Variants in STAG2 observed in about 807,000 individuals in gnomAD.
The protein encoded by STAG2 is STAG2 cohesin complex component.
STAG2 carries 14 observed loss-of-function variants against 108.1 expected under a neutral mutation model. The ratio of observed to expected loss-of-function variants is 0.13; its 90% CI spans 0.09 to 0.20. STAG2 has a LOEUF of 0.20. Among genes scored for constraint, STAG2 ranks in the 10% least tolerant of loss-of-function variants. The probability of loss-of-function intolerance (pLI) is 1.00; values close to 1 mark genes in which losing one functional copy is unlikely to be tolerated. For synonymous variants in STAG2, 307 were observed against 302.7 expected, an observed-to-expected ratio of 1.01 and a Z score of -0.15; for missense variants, 440 against 940.9, an observed-to-expected ratio of 0.47 and a Z score of 6.96.
chrX:124,083,168 C>G (rs140759722), intron 28 of STAG2, among the ~76,000 whole-genome samples: 169 of 108,276 alleles, frequency 1.6e-3, no homozygotes, highest in African/African-American at 5.4e-3. Context: ...TATACCAGAC[C>G]ATATTCAGAC....
At chrX:124,068,748 C>G (rs1603105009) in intron 24 of STAG2, 92 bp downstream of exon 24, 1 of 571,748 alleles carries the variant, frequency 1.7e-6, no homozygotes, top group East Asian at 3.9e-5. Flanking sequence ...TAAGATTGAG[C>G]AAAGCAGAAA....
chrX:124,063,358 C>A (rs1348831119), intron 19 of STAG2, among the ~76,000 whole-genome samples, 153 bp downstream of exon 19: 2 of 111,694 alleles, frequency 1.8e-5, no homozygotes, highest in East Asian at 5.6e-4. Context: ...GTTTGACTTA[C>A]AGAATGGCGG....
chrX:124,090,188 G>GAAAAATT (rs2059222727), intron 30 of STAG2, among the ~76,000 whole-genome samples: 3 of 69,589 alleles, frequency 4.3e-5, no homozygotes, highest in Admixed American at 1.6e-4. Context: ...AAAAAAAAAG[G>GAAAAATT]TTTAGTCCTT....
At chrX:123,982,410 C>T (rs1405427478) in intron 1 of STAG2, among the ~76,000 whole-genome samples, 1 of 111,384 alleles carries the variant, frequency 9.0e-6, no homozygotes, top group African/African-American at 3.3e-5. Context: ...GTCACCCAGG[C>T]TGGAATGCAG....
At chrX:123,968,730 C>T (rs1001686771) in intron 1 of STAG2, among the ~76,000 whole-genome samples, 8 of 112,232 alleles carry the variant, frequency 7.1e-5, no homozygotes, top group African/African-American at 2.6e-4. Flanking sequence ...TACATTTTTG[C>T]AAGAATAACT....
intron 1 of STAG2, among the ~76,000 whole-genome samples, chrX:123,989,700 G>A (rs1469852047): frequency 9.4e-6 from 1 of 106,618 alleles, no homozygotes; most frequent in East Asian, 2.9e-4. Flanking sequence ...CGCCTCCCGT[G>A]TTCAAGCAGT....
At chrX:124,009,898 C>G (rs1206601308) in intron 1 of STAG2, among the ~76,000 whole-genome samples, 2 of 111,281 alleles carry the variant, frequency 1.8e-5, no homozygotes, top group Non-Finnish European at 3.8e-5. Flanking sequence ...AGCTTTGGTG[C>G]ATTTTACCTT....
At chrX:124,038,169 G>C (rs1036628739) in intron 6 of STAG2, among the ~76,000 whole-genome samples, 10 of 111,959 alleles carry the variant, frequency 8.9e-5, no homozygotes, top group Non-Finnish European at 1.5e-4. Context: ...TTTGAACTGG[G>C]AAAGATGAAA....
chrX:123,974,871 C>T (rs1490467903), intron 1 of STAG2, among the ~76,000 whole-genome samples: 2 of 111,784 alleles, frequency 1.8e-5, no homozygotes, highest in South Asian at 3.6e-4. Flanking sequence ...GCCACCACAC[C>T]CGGCCTAGTA....
intron 28 of STAG2, among the ~76,000 whole-genome samples, chrX:124,083,169 A>G: frequency 9.2e-6 from 1 of 108,581 alleles, no homozygotes; most frequent in East Asian, 2.9e-4. Flanking sequence ...ATACCAGACC[A>G]TATTCAGACT....
chrX:124,019,748 C>T (rs950183828), intron 1 of STAG2, among the ~76,000 whole-genome samples: 3 of 111,082 alleles, frequency 2.7e-5, no homozygotes, highest in Admixed American at 1.9e-4. Context: ...CTAACCTGAG[C>T]AGCATGGTGA....
chrX:123,976,015 T>A (rs1245725910), intron 1 of STAG2, among the ~76,000 whole-genome samples: 1 of 112,296 alleles, frequency 8.9e-6, no homozygotes, highest in Non-Finnish European at 1.9e-5. Context: ...CCGGGAGCAG[T>A]GGCTCACACC....
chrX:124,037,658 A>C, intron 6 of STAG2, 35 bp downstream of exon 6: 11 of 949,990 alleles, frequency 1.2e-5, no homozygotes, highest in Non-Finnish European at 1.5e-5. Context: ...AGCAGCTCTC[A>C]AATAGTCACT....
In STAG2 at chrX:124,022,547, A is replaced by G; in HGVS notation, c.-81A>G. 1 of 797,833 alleles carries G rather than the reference A, an allele frequency of 1.3e-6. No homozygotes were observed. The highest frequency in any genetic ancestry group is 1.8e-6 in the Non-Finnish European group (1 of 550,911). The allele number at this position is 797,833 out of a possible 1,213,427, so 65.8% of individuals were successfully genotyped here. On this transcript the variant is annotated 5_prime_UTR_variant, in exon 3 of 35. Transcript: ENST00000371145. ...TTTTTAAAGGAATTGTCTTAGAAGA[A>G]AGAAGGCAAGCCACCATTTTACCCA...
At chrX:124,014,421 C>T (rs772407899) in intron 1 of STAG2, among the ~76,000 whole-genome samples, 11 of 110,178 alleles carry the variant, frequency 1.0e-4, no homozygotes, top group Non-Finnish European at 1.7e-4. Context: ...AGTGCAGTGG[C>T]ACGATCTCGG....
intron 1 of STAG2, among the ~76,000 whole-genome samples, chrX:123,962,727 A>G (rs1045166299): frequency 8.9e-6 from 1 of 111,764 alleles, no homozygotes; most frequent in African/African-American, 3.3e-5. Flanking sequence ...GTAAGGTTAG[A>G]TTTAAAGTAA....
intron 13 of STAG2, among the ~76,000 whole-genome samples, chrX:124,054,578 T>C (rs1442768153): frequency 1.8e-5 from 2 of 112,056 alleles, no homozygotes; most frequent in Non-Finnish European, 3.8e-5. Context: ...CCCACCATCC[T>C]CCACAGTACA....
intron 27 of STAG2, among the ~76,000 whole-genome samples, chrX:124,081,101 C>CG (rs2058949074): frequency 9.1e-6 from 1 of 109,739 alleles, no homozygotes; most frequent in Non-Finnish European, 1.9e-5. Context: ...TTTTTTTCCC[C>CG]TTTATATTTT....
In STAG2 at chrX:123,998,544, C is replaced by G. The variant is rs993490854; in HGVS notation, c.-162-22823C>G. 1.4e-4 allele frequency among the ~76,000 whole-genome samples: 15 copies of G among 104,921 alleles called. No homozygotes were observed. In the South Asian group the frequency reaches 3.9e-3, roughly 27 times the overall value. The allele number at this position is 104,921 out of a possible 115,157, so 91.1% of individuals were successfully genotyped here. ...TTCCACAGTTACATCCCCACAGTTT[C>G]AGTTTCTCCATTTTCTCACCAATAT... On this transcript the variant is annotated intron_variant, in intron 1 of 34. Transcript: ENST00000371145.
Sources: gnomAD v4.1 joint callset for allele counts (sites outside exome capture counted in the v4.1 genomes callset) on GRCh38, gnomAD v4.1.1 for gene constraint, MANE v1.5 for transcripts, NCBI Gene and HGNC (gene_info 2026-07-23, HGNC 2026-07-21) for gene names.